The following AJAP1 variants were observed in gnomAD, a reference collection of about 807,000 sequenced individuals.
The protein encoded by AJAP1 is adherens junction-associated protein 1.
A neutral mutation model predicts 35.0 loss-of-function variants in AJAP1; 5 were observed. That is an observed-to-expected ratio of 0.14 (90% CI 0.07 to 0.30). AJAP1 has a LOEUF of 0.30. Ranked by LOEUF, AJAP1 falls within the 10% of genes least tolerant of loss-of-function variation. AJAP1 has a pLI of 1.00. For synonymous variants in AJAP1, 284 were observed against 249.3 expected (o/e 1.14, Z -1.31); for missense variants, 586 against 571.0 (o/e 1.03, Z -0.27).
At chr1:4,708,646 G>C (rs61765036) in intron 1 of AJAP1, among the ~76,000 whole-genome samples, 18,446 of 152,234 alleles carry the variant, frequency 0.12, 1,207 homozygotes, top group South Asian at 0.24. Context: ...AAGTCCTCCT[G>C]CTGCAGAGAT....
chr1:4,692,704 C>T lies in AJAP1; in HGVS notation c.30-19196C>T, dbSNP rs1477068555. Reference sequence around the variant, plus strand: ...CCATCACTTCCTCCAAGCAGCCTTCCAGGCTCAGCCAAGCAGAGATGAAGC... The same window carrying T: ...CCATCACTTCCTCCAAGCAGCCTTCTAGGCTCAGCCAAGCAGAGATGAAGC... On this transcript the variant is annotated intron_variant, in intron 1 of 5. Coordinates refer to ENST00000378191, the MANE Select transcript of AJAP1 (RefSeq NM_018836.4). This position sits in a 1 kb window ranked among gnomAD's most constrained non-coding sequence, Gnocchi z 4.4. 6.6e-6 allele frequency among the ~76,000 whole-genome samples: 1 copy of T among 152,206 alleles called. No individual in the cohort carries two copies. Among genetic ancestry groups the T allele is most frequent in the Non-Finnish European group, 1.5e-5 (1 of 68,038 alleles).
intron 1 of AJAP1, among the ~76,000 whole-genome samples, chr1:4,670,444 G>A (rs956024544): frequency 8.5e-5 from 13 of 152,096 alleles, no homozygotes; most frequent in Admixed American, 2.6e-4. Context: ...TACCCAAGTC[G>A]ACATTGATCC....
chr1:4,706,069 A>G (rs1405389614), intron 1 of AJAP1, among the ~76,000 whole-genome samples: 5 of 152,168 alleles, frequency 3.3e-5, no homozygotes, highest in Admixed American at 6.5e-5. Context: ...AAGCAAACCA[A>G]TAGAAGTAGG....
At chr1:4,715,543 G>C (rs1018931233) in intron 2 of AJAP1, among the ~76,000 whole-genome samples, 7 of 152,176 alleles carry the variant, frequency 4.6e-5, no homozygotes, top group African/African-American at 1.7e-4. Context: ...AAATTAACCT[G>C]GTATGGTGGC....
In AJAP1 at chr1:4,712,055, G is replaced by T; in HGVS notation, c.185G>T (p.Arg62Leu). ...LLPRSPPRPP[R>L]LWSFRSGQPA... ...CCGCGGTCGCCGCCCCGGCCGCCCC[G>T]GCTGTGGAGTTTTAGGAGTGGACAG... The change falls in exon 2 of 6, where the codon CGG becomes CTG. Residue 62 changes from arginine to leucine, a missense_variant. Arg to Leu is a moderately radical substitution (Grantham distance 102). Coordinates refer to ENST00000378191, the MANE Select transcript of AJAP1 (RefSeq NM_018836.4). The T allele has an allele frequency of 6.3e-7, 1 of 1,586,174 alleles. No homozygotes were observed. Among genetic ancestry groups the T allele is most frequent in the South Asian group, 1.1e-5 (1 of 87,536 alleles).
chr1:4,712,705 G>A lies in AJAP1; in HGVS notation c.829+6G>A. 1 of 1,507,974 alleles carries A rather than the reference G, an allele frequency of 6.6e-7. No homozygotes were observed. Among genetic ancestry groups the A allele is most frequent in the Non-Finnish European group, 8.9e-7 (1 of 1,126,646 alleles). 93.4% of individuals were successfully genotyped at this position (1,507,974 alleles called of 1,614,324 possible). A position where few individuals can be genotyped will look rare whatever the true frequency, so the allele number is the denominator to read the frequency against. Reference sequence around the variant, plus strand: ...GATTCTGGGGGAGGCCTCAGGTACAGCCATCTCTCTTCTGGTTTGGGTTTG... The same window carrying A: ...GATTCTGGGGGAGGCCTCAGGTACAACCATCTCTCTTCTGGTTTGGGTTTG... On this transcript the variant is annotated splice_donor_region_variant and intron_variant, in intron 2 of 5. Coordinates refer to ENST00000378191, the MANE Select transcript of AJAP1 (RefSeq NM_018836.4).
intron 2 of AJAP1, among the ~76,000 whole-genome samples, chr1:4,769,135 T>C (rs191906832): frequency 1.8e-4 from 28 of 152,250 alleles, no homozygotes; most frequent in Admixed American, 1.6e-3. Flanking sequence ...ACCTCCCCAT[T>C]CAGGTATTGG....
chr1:4,724,825 C>T (rs1436197459), intron 2 of AJAP1, among the ~76,000 whole-genome samples: 1 of 152,212 alleles, frequency 6.6e-6, no homozygotes, highest in Non-Finnish European at 1.5e-5. Flanking sequence ...GCAGATCTTG[C>T]AATCTTTAGG....
intron 2 of AJAP1, among the ~76,000 whole-genome samples, chr1:4,766,369 C>T (rs1302157202): frequency 6.6e-6 from 1 of 152,184 alleles, no homozygotes; most frequent in African/African-American, 2.4e-5. Flanking sequence ...ACTCCTGGCT[C>T]TTGGGGAGAC....
In AJAP1 at chr1:4,785,282, C is replaced by T. The variant is rs1036421416; in HGVS notation, c.*2797C>T. 1 of 152,234 alleles carries T rather than the reference C, an allele frequency of 6.6e-6. No homozygotes were observed. The highest frequency in any genetic ancestry group is 1.5e-5 in the Non-Finnish European group (1 of 68,070). The allele number at this position is 152,234 out of a possible 1,614,324, so 9.4% of individuals were successfully genotyped here. On this transcript the variant is annotated 3_prime_UTR_variant, in exon 6 of 6. Transcript: ENST00000378191. ...TGTGAGACCCACACAGGCACAAACA[C>T]CAGACAAGCAAGTGCATGCCCATTC...
At chr1:4,704,251 C>T (rs1213733878) in intron 1 of AJAP1, among the ~76,000 whole-genome samples, 3 of 150,884 alleles carry the variant, frequency 2.0e-5, no homozygotes, top group South Asian at 2.1e-4. Flanking sequence ...TGGTGTGCTG[C>T]ACCCATTAAC....
chr1:4,686,288 G>A (rs1639602897), intron 1 of AJAP1, among the ~76,000 whole-genome samples: 1 of 152,156 alleles, frequency 6.6e-6, no homozygotes, highest in South Asian at 2.1e-4. Context: ...TGTTGTCTCG[G>A]TCTGGCAGCT....
At chr1:4,705,055 T>C (rs1476997636) in intron 1 of AJAP1, among the ~76,000 whole-genome samples, 1 of 152,204 alleles carries the variant, frequency 6.6e-6, no homozygotes, top group African/African-American at 2.4e-5. Context: ...TTCTGGATAT[T>C]AGCCCTTTGT....
At chr1:4,728,218 G>T (rs1308965716) in intron 2 of AJAP1, among the ~76,000 whole-genome samples, 1 of 152,230 alleles carries the variant, frequency 6.6e-6, no homozygotes, top group Non-Finnish European at 1.5e-5. Flanking sequence ...AGGGTCGTGG[G>T]CAGGGGGTCT....
rs1180823428 is a variant in AJAP1 at position 4,693,519 on chromosome 1, G to A, written c.30-18381G>A. ...CTGCAGAATGGCCCTTCCTCCCCAC[G>A]TGGGGCTGACAGCCTGTGTTTTGGG... On this transcript the variant is annotated intron_variant, in intron 1 of 5. Coordinates refer to ENST00000378191, the MANE Select transcript of AJAP1 (RefSeq NM_018836.4). This position sits in a 1 kb window ranked among gnomAD's most constrained non-coding sequence, Gnocchi z 4.4. 3.3e-5 allele frequency among the ~76,000 whole-genome samples: 5 copies of A among 152,184 alleles called. No homozygotes were observed. The highest frequency in any genetic ancestry group is 2.0e-4 in the Admixed American group (3 of 15,280).
At chr1:4,744,452 G>A (rs1184124655) in intron 2 of AJAP1, among the ~76,000 whole-genome samples, 1 of 152,156 alleles carries the variant, frequency 6.6e-6, no homozygotes, top group Non-Finnish European at 1.5e-5. Flanking sequence ...AGAGGCCTCG[G>A]GGGAGGATGT....
At chr1:4,774,862 T>C (rs1450738007) in intron 5 of AJAP1, among the ~76,000 whole-genome samples, 1 of 152,100 alleles carries the variant, frequency 6.6e-6, no homozygotes, top group East Asian at 1.9e-4. Flanking sequence ...ACCACATGCG[T>C]GGCCTACGTG....
intron 2 of AJAP1, among the ~76,000 whole-genome samples, chr1:4,738,434 G>T (rs1640980956): frequency 6.6e-6 from 1 of 152,180 alleles, no homozygotes; most frequent in Admixed American, 6.5e-5. Flanking sequence ...AGGGTGATTA[G>T]GGGGTAGCTG....
At chr1:4,694,105 C>T (rs772565568) in intron 1 of AJAP1, among the ~76,000 whole-genome samples, 1 of 152,186 alleles carries the variant, frequency 6.6e-6, no homozygotes, top group Non-Finnish European at 1.5e-5. Context: ...GGCCACTGGG[C>T]CCCGTAAAGC....
Sources: allele counts gnomAD v4.1 joint callset (sites outside exome capture counted in the v4.1 genomes callset), GRCh38; gene constraint gnomAD v4.1.1; non-coding constraint Gnocchi (gnomAD v3.1); transcripts MANE v1.5; gene names NCBI Gene and HGNC (gene_info 2026-07-23, HGNC 2026-07-21).